Variants in ATXN2 observed in about 807,000 individuals in gnomAD.
ATXN2 encodes ataxin-2.
ATXN2 carries 37 observed loss-of-function variants against 138.6 expected under a neutral mutation model. The ratio of observed to expected loss-of-function variants is 0.27; its 90% CI spans 0.21 to 0.35. The LOEUF (loss-of-function observed/expected upper bound fraction) is 0.35. ATXN2 is among the 10% of genes least tolerant of loss of function. The pLI, the probability that ATXN2 is intolerant of heterozygous loss-of-function variation, is 1.00. For missense variants in ATXN2, 1,216 were observed against 1,480.3 expected, an observed-to-expected ratio of 0.82 and a Z score of 2.93; for synonymous variants, 549 against 543.7, an observed-to-expected ratio of 1.01 and a Z score of -0.13.
intron 1 of ATXN2, among the ~76,000 whole-genome samples, chr12:111,587,266 TA>T (rs1884396781): frequency 6.6e-6 from 1 of 152,060 alleles, no homozygotes; most frequent in African/African-American, 2.4e-5. Flanking sequence ...CCGCCCTTTA[TA>T]AAAAACTAAA....
Position 111,599,173 on chromosome 12 carries a change from C to T in ATXN2, c.-139G>A. ...GGGTTGGCGCGGCCGGAGGGGCGCC[C>T]GGGCTGGCGAGGGGGAGAAGGAGGA... On this transcript the variant is annotated 5_prime_UTR_variant, in exon 1 of 25. Transcript: ENST00000673436. The T allele has an allele frequency of 8.3e-7, 1 of 1,203,536 alleles. No individual in the cohort carries two copies. 74.6% of individuals were successfully genotyped at this position (1,203,536 alleles called of 1,614,324 possible).
In ATXN2 at chr12:111,598,931, T is replaced by G; in HGVS notation, c.104A>C (p.Asn35Thr). The G allele has an allele frequency of 6.6e-7, 1 of 1,511,484 alleles. No individual in the cohort carries two copies. The highest frequency in any genetic ancestry group is 8.8e-7 in the Non-Finnish European group (1 of 1,135,226). The allele number at this position is 1,511,484 out of a possible 1,614,324, so 93.6% of individuals were successfully genotyped here. A position where few individuals can be genotyped will look rare whatever the true frequency, so the allele number is the denominator to read the frequency against. The change falls in exon 1 of 25, where the codon AAT becomes ACT. Residue 35 changes from asparagine to threonine, a missense_variant. By Grantham distance (65) the Asn-to-Thr change is moderately conservative (BLOSUM62 0). This residue lies in a region of ATXN2 where 110 missense variants were observed against 88.7 expected (regional missense o/e 1.24). Transcript: ENST00000673436. The surrounding 1 kb of genome is among the most constrained non-coding windows in gnomAD (Gnocchi z 4.5). ...GCCGCTGCCGCCGGGCTTGCGGACA[T>G]TGGCAGCCGCGGGCGGCGGCTGCTG... ...QQQQPPPAAA[N>T]VRKPGGSGLL...
At chr12:111,464,274 G>T (rs1246960768) in intron 21 of ATXN2, among the ~76,000 whole-genome samples, 1 of 149,418 alleles carries the variant, frequency 6.7e-6, no homozygotes, top group Non-Finnish European at 1.5e-5. Context: ...GTGTGTGTGT[G>T]TGTGTGTGTA....
intron 17 of ATXN2, 75 bp downstream of exon 17, chr12:111,485,638 G>T: frequency 1.3e-6 from 2 of 1,548,202 alleles, no homozygotes; most frequent in Non-Finnish European, 1.8e-6. Context: ...TCAAGTCACT[G>T]AAAACCTAAA....
chr12:111,508,631 A>G (rs614591), intron 14 of ATXN2, among the ~76,000 whole-genome samples: 57,335 of 151,030 alleles, frequency 0.38, 14,948 homozygotes, highest in East Asian at 0.9. Flanking sequence ...ATTTTTGGTC[A>G]AGACAGGGTT....
At chr12:111,587,496 CA>C (rs1334006354) in intron 1 of ATXN2, among the ~76,000 whole-genome samples, 1 of 151,982 alleles carries the variant, frequency 6.6e-6, no homozygotes, top group African/African-American at 2.4e-5. Context: ...CCTGTCTCTA[CA>C]AAATATACAA....
At position 111,598,882 on chromosome 12, in the gene ATXN2, C is replaced by T; in HGVS notation, c.153G>A (p.Ala51=). The T allele has an allele frequency of 1.3e-6, 2 of 1,496,642 alleles. No homozygotes were observed. Among genetic ancestry groups the T allele is most frequent in the East Asian group, 2.8e-5 (1 of 35,976 alleles). 92.7% of individuals were successfully genotyped at this position (1,496,642 alleles called of 1,614,324 possible). ...AGACCGAGGACGAGGACGGCGAAGG[C>T]GCGGCGGCGGGCGACGCTAGAAGGC... The part of the protein sequence containing the change: ...GSGLLASPAA[A]PSPSSSSVSS... The change falls in exon 1 of 25, where the codon GCG becomes GCA. Residue 51 remains alanine (A), a synonymous_variant. Transcript: ENST00000673436. The surrounding 1 kb of genome is among the most constrained non-coding windows in gnomAD (Gnocchi z 4.5).
chr12:111,456,711 T>C (rs1389475763), intron 22 of ATXN2, among the ~76,000 whole-genome samples: 1 of 152,180 alleles, frequency 6.6e-6, no homozygotes, highest in African/African-American at 2.4e-5. Context: ...GCTTATCCAA[T>C]CACCTTATTA....
At chr12:111,543,165 T>C (rs952453196) in intron 5 of ATXN2, among the ~76,000 whole-genome samples, 3 of 152,174 alleles carry the variant, frequency 2.0e-5, no homozygotes, top group Non-Finnish European at 4.4e-5. Flanking sequence ...CAGTTACTGC[T>C]TGGCCCCAGA....
intron 8 of ATXN2, 25 bp downstream of exon 8, chr12:111,519,854 C>T: frequency 6.2e-7 from 1 of 1,614,080 alleles, no homozygotes; most frequent in Non-Finnish European, 8.5e-7. Context: ...ATCCAAAATA[C>T]TGCATCATGA....
chr12:111,546,589 T>C (rs1017849096), intron 5 of ATXN2, among the ~76,000 whole-genome samples: 2 of 151,984 alleles, frequency 1.3e-5, no homozygotes, highest in Admixed American at 6.6e-5. Context: ...AAAGCCATAG[T>C]TGAGTTGGAG....
At chr12:111,580,884 T>A (rs1317071780) in intron 1 of ATXN2, among the ~76,000 whole-genome samples, 1 of 152,054 alleles carries the variant, frequency 6.6e-6, no homozygotes, top group East Asian at 1.9e-4. Flanking sequence ...CTCATGCCTA[T>A]AATCCCAGCA....
chr12:111,579,812 T>C, intron 1 of ATXN2, among the ~76,000 whole-genome samples: 1 of 151,288 alleles, frequency 6.6e-6, no homozygotes. Flanking sequence ...GATTCTCCTG[T>C]CTCAGCCCCC....
At chr12:111,489,042 G>A (rs7315907) in intron 14 of ATXN2, among the ~76,000 whole-genome samples, 5,325 of 152,202 alleles carry the variant, frequency 0.035, 330 homozygotes, top group African/African-American at 0.12. Context: ...GTCAGAAATT[G>A]TGCCTGCTGG....
chr12:111,479,909 T>C (rs1877099482), intron 18 of ATXN2, among the ~76,000 whole-genome samples: 1 of 146,322 alleles, frequency 6.8e-6, no homozygotes, highest in Non-Finnish European at 1.5e-5. Context: ...TCTGTAATCC[T>C]AGCACTCTGG....
At chr12:111,463,792 T>C (rs983912116) in intron 21 of ATXN2, among the ~76,000 whole-genome samples, 4 of 152,088 alleles carry the variant, frequency 2.6e-5, no homozygotes, top group Admixed American at 1.3e-4. Context: ...GCTTCCTGAA[T>C]ATTTTATTTT....
At chr12:111,578,360 G>C (rs1222896476) in intron 1 of ATXN2, among the ~76,000 whole-genome samples, 1 of 152,104 alleles carries the variant, frequency 6.6e-6, no homozygotes, top group Non-Finnish European at 1.5e-5. Flanking sequence ...TTCATGGTAA[G>C]TGACCTATTC....
At chr12:111,582,660 T>G (rs974930500) in intron 1 of ATXN2, among the ~76,000 whole-genome samples, 4 of 152,100 alleles carry the variant, frequency 2.6e-5, no homozygotes, top group African/African-American at 7.2e-5. Flanking sequence ...ATCTCAGTTT[T>G]TTTGTTTGTT....
At chr12:111,584,974 G>A (rs1884244730) in intron 1 of ATXN2, among the ~76,000 whole-genome samples, 1 of 152,054 alleles carries the variant, frequency 6.6e-6, no homozygotes, top group African/African-American at 2.4e-5. Flanking sequence ...TTTCAATAAT[G>A]CAATGCATCC....
Sources: allele counts gnomAD v4.1 joint callset (sites outside exome capture counted in the v4.1 genomes callset), GRCh38; gene constraint gnomAD v4.1.1; regional missense constraint gnomAD v4.1.1; non-coding constraint Gnocchi (gnomAD v3.1); transcripts MANE v1.5; gene names NCBI Gene and HGNC (gene_info 2026-07-23, HGNC 2026-07-21).